Variants in DPH6 observed in about 807,000 individuals in gnomAD.
DPH6 encodes diphthamine biosynthesis 6, also known as diphthine--ammonia ligase.
A neutral mutation model predicts 38.2 loss-of-function variants in DPH6; 33 were observed. That is an observed-to-expected ratio of 0.86 (90% confidence interval 0.65 to 1.15). The LOEUF is 1.15. Among genes scored for constraint, DPH6 ranks in the 50% most tolerant of loss-of-function variants. DPH6 has a pLI of 0.00. For synonymous variants in DPH6, 108 were observed against 103.0 expected, an observed-to-expected ratio of 1.05 and a Z score of -0.30; for missense variants, 325 against 320.0, an observed-to-expected ratio of 1.02 and a Z score of -0.12.
At chr15:35,213,929 G>A (rs532278994), downstream of DPH6, among the ~76,000 whole-genome samples, 73 of 152,272 alleles carry the variant, frequency 4.8e-4, no homozygotes, top group Admixed American at 7.8e-4. Context: ...TGGCTAACAC[G>A]GTGAAACCCC....
chr15:35,224,667 T>G (rs923528261), intron 3 of DPH6, among the ~76,000 whole-genome samples: 3 of 152,246 alleles, frequency 2.0e-5, no homozygotes, highest in Non-Finnish European at 4.4e-5. Context: ...AGAGTGGCTG[T>G]GCCATTTTGT....
intron 3 of DPH6, chr15:35,489,278 A>G: frequency 1.0e-6 from 1 of 958,354 alleles, no homozygotes. Flanking sequence ...AAACCTGTCT[A>G]TTCAAAGAAA....
At chr15:35,349,974 A>G (rs1405149971) in intron 3 of DPH6, among the ~76,000 whole-genome samples, 2 of 152,182 alleles carry the variant, frequency 1.3e-5, no homozygotes, top group Admixed American at 1.3e-4. Context: ...GACTTCTGAA[A>G]TGAATTTGGA....
chr15:35,464,678 TAAAC>T (rs1264591162), intron 3 of DPH6, among the ~76,000 whole-genome samples: 1 of 152,218 alleles, frequency 6.6e-6, no homozygotes, highest in Non-Finnish European at 1.5e-5. Flanking sequence ...AATCTTCTAT[TAAAC>T]AACCCATCAA....
At chr15:35,173,841 A>T in the DPH6 span, among the ~76,000 whole-genome samples, 2 of 152,070 alleles carry the variant, frequency 1.3e-5, no homozygotes, top group African/African-American at 4.8e-5. Context: ...CAGAGGTTAG[A>T]CTTATCTTTT....
Position 35,537,108 on chromosome 15 carries a change from G to A in DPH6, c.312+1166C>T, listed in dbSNP as rs180929029. ...TATTTTAGTCAAACAAATTTTAAAA[G>A]AATTTCAGTGCTTCATATATTTTTC... On this transcript the variant is annotated intron_variant, in intron 3 of 8. Coordinates refer to ENST00000256538, the MANE Select transcript of DPH6 (RefSeq NM_080650.4). Among the ~76,000 whole-genome samples, 454 of 152,134 alleles carry A rather than the reference G, an allele frequency of 3.0e-3. 1 individual carries two copies. Among genetic ancestry groups the A allele is most frequent in the Non-Finnish European group, 4.1e-3 (276 of 67,936 alleles).
intron 3 of DPH6, among the ~76,000 whole-genome samples, chr15:35,490,504 T>A (rs576892862): frequency 6.6e-6 from 1 of 152,286 alleles, no homozygotes; most frequent in South Asian, 2.1e-4. Context: ...TTGCAGTAAA[T>A]TCATGTGTGC....
At chr15:35,537,845 C>T (rs554229925) in intron 3 of DPH6, among the ~76,000 whole-genome samples, 24 of 152,210 alleles carry the variant, frequency 1.6e-4, no homozygotes, top group African/African-American at 4.8e-4. Context: ...TGTTTATTGT[C>T]TGTCCTCTTC....
intron 3 of DPH6, chr15:35,299,086 T>C: frequency 1.3e-6 from 1 of 791,152 alleles, no homozygotes; most frequent in East Asian, 2.4e-5. Flanking sequence ...GCTCCCGCTG[T>C]CTTTGTCCTT....
rs76818416 is a variant in DPH6 at position 35,516,442 on chromosome 15, C to T, written c.312+21832G>A. Among the ~76,000 whole-genome samples, 474 of 152,220 alleles carry T rather than the reference C, an allele frequency of 3.1e-3. 3 individuals are homozygous for T. The East Asian group carries it at 0.035, about 11-fold the overall frequency. The stretch of plus-strand genomic sequence containing the variant: ...ATGCTCATAATGACCCTATGTTGTA[C>T]GTACTACTACTAGTCTTACTTTACA... On this transcript the variant is annotated intron_variant, in intron 3 of 8. Coordinates refer to ENST00000256538, the MANE Select transcript of DPH6 (RefSeq NM_080650.4).
At chr15:35,163,161 A>G in the DPH6 span, among the ~76,000 whole-genome samples, 2 of 151,850 alleles carry the variant, frequency 1.3e-5, no homozygotes, top group Non-Finnish European at 2.9e-5. Flanking sequence ...GATATCACAT[A>G]TTATTTGGGC....
intron 6 of DPH6, among the ~76,000 whole-genome samples, chr15:35,396,600 C>T (rs2053136726): frequency 7.3e-6 from 1 of 136,962 alleles, no homozygotes; most frequent in Non-Finnish European, 1.7e-5. Flanking sequence ...AATTTTCTCA[C>T]AACATGTAAT....
At chr15:35,317,431 G>A (rs1048352259) in intron 3 of DPH6, among the ~76,000 whole-genome samples, 1 of 149,246 alleles carries the variant, frequency 6.7e-6, no homozygotes, top group African/African-American at 2.5e-5. Context: ...GAGGGAGGGA[G>A]GAAGAAAGAG....
the DPH6 span, among the ~76,000 whole-genome samples, chr15:35,147,232 T>C: frequency 6.6e-6 from 1 of 152,168 alleles, no homozygotes; most frequent in East Asian, 1.9e-4. Flanking sequence ...GTTATAGAAA[T>C]TGCCCAAAGT....
intron 3 of DPH6, among the ~76,000 whole-genome samples, chr15:35,296,441 T>C (rs2140793288): frequency 6.6e-6 from 1 of 152,300 alleles, no homozygotes; most frequent in East Asian, 1.9e-4. Context: ...CTACCACTTT[T>C]TACTATACCA....
chr15:35,162,242 T>C, the DPH6 span, among the ~76,000 whole-genome samples: 3 of 151,878 alleles, frequency 2.0e-5, no homozygotes, highest in Admixed American at 2.0e-4. Flanking sequence ...GCAGCCAAGA[T>C]ATATTTTAGA....
chr15:35,335,286 T>C (rs957076576), intron 3 of DPH6, among the ~76,000 whole-genome samples: 6 of 152,220 alleles, frequency 3.9e-5, no homozygotes, highest in African/African-American at 1.4e-4. Context: ...AGACTCTGTA[T>C]ATTAGGCCTT....
intron 7 of DPH6, among the ~76,000 whole-genome samples, chr15:35,375,295 T>C (rs998995755): frequency 2.0e-5 from 3 of 152,194 alleles, no homozygotes; most frequent in Admixed American, 2.0e-4. Flanking sequence ...AAGACTCCAG[T>C]TTTTATAAAC....
chr15:35,404,804 C>T (rs2053269395), intron 6 of DPH6, among the ~76,000 whole-genome samples: 1 of 152,042 alleles, frequency 6.6e-6, no homozygotes, highest in African/African-American at 2.4e-5. Context: ...TTGCCCAGAC[C>T]CGTGTCCTGG....
Sources: gnomAD v4.1 joint callset for allele counts (sites outside exome capture counted in the v4.1 genomes callset) on GRCh38, gnomAD v4.1.1 for gene constraint, MANE v1.5 for transcripts, NCBI Gene and HGNC (gene_info 2026-07-23, HGNC 2026-07-21) for gene names.